The following DPYSL2 variants were observed in gnomAD, a reference collection of about 807,000 sequenced individuals.
The protein encoded by DPYSL2 is dihydropyrimidinase-related protein 2.
Under a neutral mutation model 69.9 loss-of-function variants are expected in DPYSL2, and 13 were observed. The observed-to-expected ratio is 0.19, with a 90% confidence interval of 0.12 to 0.30. The LOEUF (loss-of-function observed/expected upper bound fraction) is 0.30, where lower values mean the gene tolerates loss of function less well. Among genes scored for constraint, DPYSL2 ranks in the 10% least tolerant of loss-of-function variants. The pLI, the probability that DPYSL2 is intolerant of heterozygous loss-of-function variation, is 1.00. For missense variants in DPYSL2, 587 were observed against 918.9 expected, an observed-to-expected ratio of 0.64 and a Z score of 4.67; for synonymous variants, 326 against 359.1, an observed-to-expected ratio of 0.91 and a Z score of 1.04.
At chr8:26,579,952 G>GC (rs1491431918) in intron 1 of DPYSL2, among the ~76,000 whole-genome samples, 2 of 24,574 alleles carry the variant, frequency 8.1e-5, no homozygotes, top group Non-Finnish European at 2.1e-4. Context: ...TTTTTAAAGA[G>GC]CGCCCCCCCC....
In DPYSL2 at chr8:26,609,675, C is replaced by T. The variant is rs1287169572; in HGVS notation, c.629-14468C>T. ...CGGGCTGGACGCTGCCGGCTGCCAC[C>T]CGTCGCTGAGCTGGAGCTCCCCAGA... On this transcript the variant is annotated intron_variant, in intron 3 of 13. Coordinates refer to ENST00000521913, the MANE Select transcript of DPYSL2 (RefSeq NM_001197293.3). The surrounding 1 kb of genome is among the most constrained non-coding windows in gnomAD (Gnocchi z 6.5). Among the ~76,000 whole-genome samples, 1 of 152,198 alleles carries T rather than the reference C, an allele frequency of 6.6e-6. No individual in the cohort carries two copies. Among genetic ancestry groups the T allele is most frequent in the Non-Finnish European group, 1.5e-5 (1 of 68,032 alleles).
At position 26,535,898 on chromosome 8, in the gene DPYSL2, TTGTGTG is replaced by T. The variant is rs112620337; in HGVS notation, c.354+21253_354+21258del. The stretch of plus-strand genomic sequence containing the variant: ...ATCAAAATTATAAGCTCTCTATGGG[TTGTGTG>T]TGTGTGTGTGTGTGTGTGTGTGTGT... On this transcript the variant is annotated intron_variant, in intron 1 of 13. Transcript: ENST00000521913. 1.6e-3 allele frequency among the ~76,000 whole-genome samples: 219 copies of T among 141,222 alleles called. 2 individuals are homozygous for T. Among genetic ancestry groups the T allele is most frequent in the South Asian group, 6.0e-3 (26 of 4,334 alleles). 92.6% of individuals were successfully genotyped at this position (141,222 alleles called of 152,430 possible).
intron 3 of DPYSL2, among the ~76,000 whole-genome samples, chr8:26,584,613 C>CTTTTT (rs35587383): frequency 2.1e-4 from 21 of 100,144 alleles, no homozygotes; most frequent in African/African-American, 4.4e-4. Flanking sequence ...GGGCTTTGTG[C>CTTTTT]TTTTTTTTTT....
chr8:26,610,230 C>T lies in DPYSL2; in HGVS notation c.629-13913C>T, dbSNP rs1360546908. On this transcript the variant is annotated intron_variant, in intron 3 of 13. Coordinates refer to ENST00000521913, the MANE Select transcript of DPYSL2 (RefSeq NM_001197293.3). The surrounding 1 kb of genome is among the most constrained non-coding windows in gnomAD (Gnocchi z 4.5). ...AATGCGGGATCGTTTGTGTTATCTG[C>T]TCTGATAGGTGGTTTTACTTGCATT... Among the ~76,000 whole-genome samples, 4 of 152,174 alleles carry T rather than the reference C, an allele frequency of 2.6e-5. No homozygotes were observed. The highest frequency in any genetic ancestry group is 9.7e-5 in the African/African-American group (4 of 41,434).
intron 3 of DPYSL2, among the ~76,000 whole-genome samples, chr8:26,622,300 G>A (rs1802510495): frequency 6.6e-6 from 1 of 151,786 alleles, no homozygotes; most frequent in Non-Finnish European, 1.5e-5. Flanking sequence ...GCTTGCATTT[G>A]AACTGGACAT....
At chr8:26,633,550 C>T (rs924980593) in intron 7 of DPYSL2, among the ~76,000 whole-genome samples, 3 of 152,222 alleles carry the variant, frequency 2.0e-5, no homozygotes, top group African/African-American at 7.2e-5. Context: ...TCACTGCAAC[C>T]TCCGCCTCCT....
rs1312848302 is a variant in DPYSL2, at chr8:26,619,702, G to C, written c.629-4441G>C. On this transcript the variant is annotated intron_variant, in intron 3 of 13. Transcript: ENST00000521913. This position sits in a 1 kb window ranked among gnomAD's most constrained non-coding sequence, Gnocchi z 4.8. ...GCAGCGTCAGAAACTCTGGGGTAAGGTCTGGGAACCTGTGTTTTATTTTTA... is the reference window on the plus strand; with the variant it reads ...GCAGCGTCAGAAACTCTGGGGTAAGCTCTGGGAACCTGTGTTTTATTTTTA... The C allele has an allele frequency of 6.6e-6, 1 of 152,270 alleles. No individual in the cohort carries two copies. Among genetic ancestry groups the C allele is most frequent in the African/African-American group, 2.4e-5 (1 of 41,446 alleles). The allele number at this position is 152,270 out of a possible 1,614,324, so 9.4% of individuals were successfully genotyped here.
At chr8:26,655,342 A>T (rs1026660343) in intron 13 of DPYSL2, among the ~76,000 whole-genome samples, 2 of 152,126 alleles carry the variant, frequency 1.3e-5, no homozygotes, top group African/African-American at 4.8e-5. Context: ...CAAAAAATTT[A>T]AAAATTAGCT....
rs1585521427 is a variant in DPYSL2, at chr8:26,579,868, GCT to G, written c.355-2100_355-2099del. On this transcript the variant is annotated intron_variant, in intron 1 of 13. Transcript: ENST00000521913. Reference sequence around the variant, plus strand: ...GCTGTCTTCGTGAATGAACAAGGCAGCTTCATTTTGACAGTGTGGGGAGAAAA... The same window carrying G: ...GCTGTCTTCGTGAATGAACAAGGCAGTCATTTTGACAGTGTGGGGAGAAAA... Among the ~76,000 whole-genome samples, 3 of 147,130 alleles carry G rather than the reference GCT, an allele frequency of 2.0e-5. No homozygotes were observed. The East Asian group carries it at 5.9e-4, about 29-fold the overall frequency.
At position 26,591,793 on chromosome 8, in the gene DPYSL2, A is replaced by G. The variant is rs1031160949; in HGVS notation, c.628+7810A>G. On this transcript the variant is annotated intron_variant, in intron 3 of 13. Coordinates refer to ENST00000521913, the MANE Select transcript of DPYSL2 (RefSeq NM_001197293.3). The surrounding 1 kb of genome is among the most constrained non-coding windows in gnomAD (Gnocchi z 5.8). Reference sequence around the variant, plus strand: ...ATGGCAGCCCCTCTGCCTCTGGAGAATCCCAGAGCTTGGGGAAGCACAGGA... The same window carrying G: ...ATGGCAGCCCCTCTGCCTCTGGAGAGTCCCAGAGCTTGGGGAAGCACAGGA... Among the ~76,000 whole-genome samples, 8 of 152,100 alleles carry G rather than the reference A, an allele frequency of 5.3e-5. No individual in the cohort carries two copies. The highest frequency in any genetic ancestry group is 1.9e-4 in the African/African-American group (8 of 41,432).
Position 26,580,845 on chromosome 8 carries a change from A to G in DPYSL2, c.355-1124A>G, listed in dbSNP as rs1309786738. 2.0e-5 allele frequency among the ~76,000 whole-genome samples: 3 copies of G among 152,252 alleles called. No individual in the cohort carries two copies. Among genetic ancestry groups the G allele is most frequent in the South Asian group, 2.1e-4 (1 of 4,836 alleles). On this transcript the variant is annotated intron_variant, in intron 1 of 13. Coordinates refer to ENST00000521913, the MANE Select transcript of DPYSL2 (RefSeq NM_001197293.3). The surrounding 1 kb of genome is among the most constrained non-coding windows in gnomAD (Gnocchi z 4.1). ...AGCCCATTCTGTATAATACAGGTGC[A>G]TATTTACTGAACACTCGATGCCAGC...
intron 3 of DPYSL2, among the ~76,000 whole-genome samples, chr8:26,595,208 G>A (rs1801832308): frequency 1.3e-5 from 2 of 151,900 alleles, no homozygotes; most frequent in Admixed American, 1.3e-4. Context: ...GGGAGACAGT[G>A]AGACCCCATC....
Position 26,653,298 on chromosome 8 carries a change from C to T in DPYSL2, c.1843C>T (p.Pro615Ser). Reference protein sequence around the residue: ...DGPVCEVSVTPKTVTPASSAK... With the variant: ...DGPVCEVSVTSKTVTPASSAK... ...ACCTGTGTGTGAAGTGTCTGTGACG[C>T]CCAAGACAGTCACTCCAGCCTCCTC... Residue 615 changes from proline to serine, a missense_variant, in exon 13 of 14, where the codon CCC (proline) becomes TCC (serine). Coordinates refer to ENST00000521913, the MANE Select transcript of DPYSL2 (RefSeq NM_001197293.3). The surrounding 1 kb of genome is among the most constrained non-coding windows in gnomAD (Gnocchi z 5.7). 3 of 1,614,092 alleles carry T rather than the reference C, an allele frequency of 1.9e-6. No individual in the cohort carries two copies. The highest frequency in any genetic ancestry group is 2.5e-6 in the Non-Finnish European group (3 of 1,180,016).
intron 1 of DPYSL2, among the ~76,000 whole-genome samples, chr8:26,575,014 AC>A (rs1801303807): frequency 6.6e-6 from 1 of 151,936 alleles, no homozygotes; most frequent in Non-Finnish European, 1.5e-5. Flanking sequence ...GCTCACTGCA[AC>A]CTCCGCCTCC....
At chr8:26,581,048 C>T (rs1801481472) in intron 1 of DPYSL2, among the ~76,000 whole-genome samples, 1 of 152,196 alleles carries the variant, frequency 6.6e-6, no homozygotes, top group African/African-American at 2.4e-5. Flanking sequence ...ATCTCAGATA[C>T]TTATTCGTGG....
chr8:26,652,119 TG>T lies in DPYSL2; in HGVS notation c.1597-134del. The T allele has an allele frequency of 1.4e-6, 1 of 691,586 alleles. No individual in the cohort carries two copies. 42.8% of individuals were successfully genotyped at this position (691,586 alleles called of 1,614,324 possible). A position where few individuals can be genotyped will look rare whatever the true frequency, so the allele number is the denominator to read the frequency against. ...GGAGACACAGCAAGTAAGTGCCTGC[TG>T]GGGTGCCCAGTTGGGACAGGATCCC... On this transcript the variant is annotated intron_variant, in intron 11 of 13. Coordinates refer to ENST00000521913, the MANE Select transcript of DPYSL2 (RefSeq NM_001197293.3). This position sits in a 1 kb window ranked among gnomAD's most constrained non-coding sequence, Gnocchi z 6.3.
intron 1 of DPYSL2, among the ~76,000 whole-genome samples, chr8:26,553,386 A>G (rs1800899470): frequency 1.3e-5 from 2 of 151,776 alleles, no homozygotes; most frequent in South Asian, 4.2e-4. Context: ...CCCACCCTCC[A>G]TCCTTAAGTA....
intron 1 of DPYSL2, among the ~76,000 whole-genome samples, chr8:26,569,650 G>A (rs1401099520): frequency 6.6e-6 from 1 of 152,136 alleles, no homozygotes; most frequent in African/African-American, 2.4e-5. Flanking sequence ...GTAAACAAAT[G>A]CACAAAAATA....
intron 3 of DPYSL2, among the ~76,000 whole-genome samples, chr8:26,604,263 TC>T (rs1802058774): frequency 6.6e-6 from 1 of 152,104 alleles, no homozygotes; most frequent in Non-Finnish European, 1.5e-5. Flanking sequence ...TAAATGGAGG[TC>T]CTTTTTGGCA....
Sources: gnomAD v4.1 joint callset for allele counts (sites outside exome capture counted in the v4.1 genomes callset) on GRCh38, gnomAD v4.1.1 for gene constraint, Gnocchi (gnomAD v3.1) non-coding constraint, MANE v1.5 for transcripts, NCBI Gene and HGNC (gene_info 2026-07-23, HGNC 2026-07-21) for gene names.